PDE1C: variants seen among roughly 807,000 people sequenced by gnomAD.
PDE1C encodes phosphodiesterase 1C, also known as dual specificity calcium/calmodulin-dependent 3',5'-cyclic nucleotide phosphodiesterase 1C.
In PDE1C, 62 loss-of-function variants were observed where a neutral mutation model predicts 93.1. The observed-to-expected ratio is 0.67, with a 90% CI of 0.54 to 0.82. The LOEUF is 0.82. Ranked by LOEUF, PDE1C falls within the 40% of genes least tolerant of loss-of-function variation. The pLI, the probability that PDE1C is intolerant of heterozygous loss-of-function variation, is 0.00. For missense variants in PDE1C, 742 were observed against 884.6 expected (o/e 0.84, Z 2.04); for synonymous variants, 325 against 310.1 (o/e 1.05, Z -0.50).
At chr7:32,069,582 TA>T (rs1325414318) in intron 1 of PDE1C, among the ~76,000 whole-genome samples, 1 of 152,122 alleles carries the variant, frequency 6.6e-6, no homozygotes, top group African/African-American at 2.4e-5. Context: ...AAATACCATG[TA>T]TTTTCAGGTC....
chr7:32,042,328 A>C (rs1323167922), intron 2 of PDE1C, among the ~76,000 whole-genome samples: 2 of 152,216 alleles, frequency 1.3e-5, no homozygotes, highest in Non-Finnish European at 2.9e-5. Flanking sequence ...AAAACAGACA[A>C]AAAAAACTAT....
At chr7:31,965,452 A>C (rs556348701) in intron 2 of PDE1C, among the ~76,000 whole-genome samples, 1 of 152,348 alleles carries the variant, frequency 6.6e-6, no homozygotes, top group East Asian at 1.9e-4. Flanking sequence ...GAAATATGGG[A>C]CTATGTGAAA....
chr7:31,966,540 G>A (rs529602948), intron 2 of PDE1C, among the ~76,000 whole-genome samples: 1 of 152,068 alleles, frequency 6.6e-6, no homozygotes, highest in African/African-American at 2.4e-5. Flanking sequence ...GTCAACATTA[G>A]ACAGATCAAT....
intron 2 of PDE1C, among the ~76,000 whole-genome samples, chr7:31,907,073 GT>G (rs199993035): frequency 0.045 from 4,276 of 95,280 alleles, 186 homozygotes; most frequent in East Asian, 0.22. Flanking sequence ...TATGTGGGGT[GT>G]GTGTGTGTGT....
chr7:32,208,449 T>C (rs1805766696), intron 2 of PDE1C, among the ~76,000 whole-genome samples: 1 of 152,098 alleles, frequency 6.6e-6, no homozygotes, highest in Non-Finnish European at 1.5e-5. Context: ...CTACTAAGTC[T>C]TTTTGTAGTC....
chr7:31,969,378 A>C (rs1810558170), intron 2 of PDE1C, among the ~76,000 whole-genome samples: 1 of 152,210 alleles, frequency 6.6e-6, no homozygotes, highest in Admixed American at 6.5e-5. Flanking sequence ...GTGGCCAAAA[A>C]ACACATGAAA....
intron 1 of PDE1C, among the ~76,000 whole-genome samples, chr7:32,367,069 A>T (rs1010606332): frequency 6.6e-6 from 1 of 152,122 alleles, no homozygotes; most frequent in African/African-American, 2.4e-5. Context: ...AGTCAAGAAT[A>T]TCATGCCCAG....
intron 16 of PDE1C, among the ~76,000 whole-genome samples, chr7:31,796,582 C>T (rs1250272374): frequency 1.3e-5 from 2 of 151,694 alleles, no homozygotes; most frequent in Non-Finnish European, 2.9e-5. Context: ...ATGCTAGAAC[C>T]ATGAATAAGT....
chr7:32,217,526 G>A (rs967308392), intron 1 of PDE1C, among the ~76,000 whole-genome samples: 1 of 152,210 alleles, frequency 6.6e-6, no homozygotes, highest in Non-Finnish European at 1.5e-5. Context: ...AGCTTAAAAT[G>A]TATAAATGCA....
At chr7:32,096,852 T>TAGAC (rs1210657609) in intron 3 of PDE1C, among the ~76,000 whole-genome samples, 6 of 151,456 alleles carry the variant, frequency 4.0e-5, no homozygotes, top group Admixed American at 4.0e-4. Flanking sequence ...GATAGATAGA[T>TAGAC]AGATAGATAG....
chr7:31,820,617 G>A (rs1322752084), intron 14 of PDE1C: 2 of 152,004 alleles, frequency 1.3e-5, no homozygotes, highest in Non-Finnish European at 2.9e-5. Flanking sequence ...GCCCCACGGA[G>A]GACAGCCTTT....
chr7:32,046,217 A>ATTTTT (rs1269938803), intron 2 of PDE1C, among the ~76,000 whole-genome samples: 2 of 151,774 alleles, frequency 1.3e-5, no homozygotes, highest in African/African-American at 4.9e-5. Flanking sequence ...TTTTTTTAAA[A>ATTTTT]AAAAAAAAGA....
At chr7:31,746,619 ATATAAG>A (rs555562022), downstream of PDE1C, among the ~76,000 whole-genome samples, 34 of 152,326 alleles carry the variant, frequency 2.2e-4, no homozygotes, top group East Asian at 5.6e-3. Flanking sequence ...TAAAAATCAA[ATATAAG>A]TATATTTCAG....
chr7:31,808,785 A>T (rs12155495), intron 16 of PDE1C, among the ~76,000 whole-genome samples: 9,358 of 152,048 alleles, frequency 0.062, 342 homozygotes, highest in South Asian at 0.13. Context: ...GAAAAATGGC[A>T]AGTAGGAAAA....
chr7:32,163,951 C>T (rs540142926), intron 3 of PDE1C, among the ~76,000 whole-genome samples: 1 of 152,294 alleles, frequency 6.6e-6, no homozygotes, highest in African/African-American at 2.4e-5. Flanking sequence ...TTAATCCTAA[C>T]AGCAGCCCCC....
chr7:32,022,639 C>A (rs1387557276), intron 2 of PDE1C, among the ~76,000 whole-genome samples: 4 of 151,822 alleles, frequency 2.6e-5, no homozygotes, highest in Non-Finnish European at 5.9e-5. Flanking sequence ...AATAAATGAA[C>A]AAACAAATGA....
At chr7:32,334,851 G>A (rs1226348755) in intron 1 of PDE1C, among the ~76,000 whole-genome samples, 1 of 152,076 alleles carries the variant, frequency 6.6e-6, no homozygotes, top group African/African-American at 2.4e-5. Flanking sequence ...TGAATGATAG[G>A]ATTGTGGGAG....
chr7:31,737,517 C>A, the PDE1C span, among the ~76,000 whole-genome samples: 1 of 152,014 alleles, frequency 6.6e-6, no homozygotes, highest in Non-Finnish European at 1.5e-5. Flanking sequence ...AAAAGTAAGT[C>A]CAGGCTGGGT....
At chr7:31,971,365 A>G (rs1810934640) in intron 2 of PDE1C, among the ~76,000 whole-genome samples, 1 of 152,140 alleles carries the variant, frequency 6.6e-6, no homozygotes, top group African/African-American at 2.4e-5. Flanking sequence ...TACAGTTCCA[A>G]TACCACCAGC....
Sources: gnomAD v4.1 joint callset for allele counts (sites outside exome capture counted in the v4.1 genomes callset) on GRCh38, gnomAD v4.1.1 for gene constraint, MANE v1.5 for transcripts, NCBI Gene and HGNC (gene_info 2026-07-23, HGNC 2026-07-21) for gene names.